Variants in MAML2 observed in about 807,000 individuals in gnomAD.
The protein encoded by MAML2 is mastermind-like protein 2.
Under a neutral mutation model 96.1 loss-of-function variants are expected in MAML2, and 22 were observed. That is an observed-to-expected ratio of 0.23 (90% CI 0.16 to 0.33). MAML2 has a LOEUF of 0.33. Ranked by LOEUF, MAML2 falls within the 10% of genes least tolerant of loss-of-function variation. The probability of loss-of-function intolerance (pLI) is 1.00; values close to 1 mark genes in which losing one functional copy is unlikely to be tolerated. For missense variants in MAML2, 1,367 were observed against 1,392.4 expected (o/e 0.98, Z 0.29); for synonymous variants, 561 against 521.3 (o/e 1.08, Z -1.04).
intron 2 of MAML2, among the ~76,000 whole-genome samples, chr11:96,019,090 G>A (rs1335870370): frequency 6.6e-6 from 1 of 152,160 alleles, no homozygotes; most frequent in African/African-American, 2.4e-5. Flanking sequence ...AGAGGTAGCA[G>A]AAGAAAATGT....
At chr11:96,180,533 A>G (rs930086540) in intron 1 of MAML2, among the ~76,000 whole-genome samples, 5 of 152,316 alleles carry the variant, frequency 3.3e-5, no homozygotes, top group African/African-American at 1.2e-4. Context: ...GCCAACAGCC[A>G]GCAGCAACCA....
Position 95,991,577 on chromosome 11 carries a change from C to T in MAML2, c.2286G>A (p.Arg762=). ...QLMGKKQTLQ[R]QIMEQKQQLL... is the part of the protein sequence containing the mutation. Reference sequence around the variant, plus strand: ...GTTGCTGTTTCTGCTCCATGATCTGCCTCTGTAGAGTCTGCTTCTTTCCCA... The same window carrying T: ...GTTGCTGTTTCTGCTCCATGATCTGTCTCTGTAGAGTCTGCTTCTTTCCCA... The change falls in exon 3 of 5, where the codon AGG becomes AGA. Residue 762 remains arginine, a synonymous_variant. Coordinates refer to ENST00000524717, the MANE Select transcript of MAML2 (RefSeq NM_032427.4). 1 of 1,613,808 alleles carries T rather than the reference C, an allele frequency of 6.2e-7. No individual in the cohort carries two copies. The highest frequency in any genetic ancestry group is 8.5e-7 in the Non-Finnish European group (1 of 1,179,746).
Position 96,300,794 on chromosome 11 carries a change from C to A in MAML2, c.513+40589G>T, listed in dbSNP as rs536569767. The stretch of plus-strand genomic sequence containing the variant: ...TTCGGACAATGAGCAGGAGAGGAAG[C>A]GGAGCTGAGGATAACCAGGTAAAGG... On this transcript the variant is annotated intron_variant, in intron 1 of 4. Coordinates refer to ENST00000524717, the MANE Select transcript of MAML2 (RefSeq NM_032427.4). Among the ~76,000 whole-genome samples, 111 of 152,220 alleles carry A rather than the reference C, an allele frequency of 7.3e-4. 1 individual carries two copies. Among genetic ancestry groups the A allele is most frequent in the Non-Finnish European group, 1.3e-3 (90 of 68,014 alleles).
At chr11:96,178,062 GTTTC>G (rs1211578516) in intron 1 of MAML2, among the ~76,000 whole-genome samples, 1 of 145,730 alleles carries the variant, frequency 6.9e-6, no homozygotes, top group Non-Finnish European at 1.5e-5. Flanking sequence ...TCATATAAGC[GTTTC>G]TTTCTGGGAA....
chr11:96,008,838 C>T (rs977153021), intron 2 of MAML2, among the ~76,000 whole-genome samples: 4 of 152,170 alleles, frequency 2.6e-5, no homozygotes, highest in African/African-American at 9.7e-5. Context: ...GCTTGATTAT[C>T]TCATCCCAGG....
chr11:96,163,059 C>T (rs1475391647), intron 1 of MAML2, among the ~76,000 whole-genome samples: 2 of 152,200 alleles, frequency 1.3e-5, no homozygotes, highest in Non-Finnish European at 2.9e-5. Flanking sequence ...CTTCATTACT[C>T]ACATTACTCC....
chr11:96,211,582 T>A (rs2135938958), intron 1 of MAML2, among the ~76,000 whole-genome samples: 1 of 152,236 alleles, frequency 6.6e-6, no homozygotes, highest in East Asian at 1.9e-4. Context: ...GGGGTAGTTG[T>A]AAGAGAAGGG....
intron 2 of MAML2, among the ~76,000 whole-genome samples, chr11:96,003,747 A>G (rs1858134062): frequency 1.3e-5 from 2 of 152,206 alleles, no homozygotes. Flanking sequence ...TAATATCTAT[A>G]CTTAAGTCAA....
At chr11:96,029,056 T>C (rs1858569653) in intron 2 of MAML2, among the ~76,000 whole-genome samples, 3 of 152,184 alleles carry the variant, frequency 2.0e-5, no homozygotes, top group African/African-American at 7.2e-5. Context: ...CTAAACATTT[T>C]GAACTGAATT....
chr11:96,180,809 G>A (rs1322179699), intron 1 of MAML2, among the ~76,000 whole-genome samples: 3 of 152,272 alleles, frequency 2.0e-5, no homozygotes, highest in Non-Finnish European at 4.4e-5. Context: ...TATTTCACCT[G>A]GGTACAGGCG....
At chr11:96,151,812 G>C (rs1367546624) in intron 1 of MAML2, among the ~76,000 whole-genome samples, 1 of 152,150 alleles carries the variant, frequency 6.6e-6, no homozygotes, top group East Asian at 1.9e-4. Context: ...AACCTCTTTT[G>C]TTTATAAATT....
chr11:96,155,509 A>AATATATATATATATATATAT lies in MAML2; in HGVS notation c.514-62012_514-61993dup, dbSNP rs56860340. Among the ~76,000 whole-genome samples the AATATATATATATATATATAT allele has an allele frequency of 3.2e-3, 236 of 74,704 alleles. 16 individuals are homozygous for AATATATATATATATATATAT. Among genetic ancestry groups the AATATATATATATATATATAT allele is most frequent in the African/African-American group, 3.8e-3 (62 of 16,514 alleles). The allele number at this position is 74,704 out of a possible 152,430, so 49.0% of individuals were successfully genotyped here. ...ACCTCATGGGCGCTGTAACAATTCA[A>AATATATATATATATATATAT]ATATATATATATATATATATATATA... On this transcript the variant is annotated intron_variant, in intron 1 of 4. Transcript: ENST00000524717.
chr11:96,175,420 A>T (rs1046020686), intron 1 of MAML2, among the ~76,000 whole-genome samples: 1 of 152,174 alleles, frequency 6.6e-6, no homozygotes, highest in Non-Finnish European at 1.5e-5. Context: ...GGCTGCAAAA[A>T]CCCATAGAGG....
chr11:96,046,962 T>G (rs1858911783), intron 2 of MAML2, among the ~76,000 whole-genome samples: 1 of 152,218 alleles, frequency 6.6e-6, no homozygotes, highest in South Asian at 2.1e-4. Flanking sequence ...GAATTGACTC[T>G]TGAGTAAGAG....
chr11:95,989,218 A>C (rs910787434), intron 3 of MAML2, among the ~76,000 whole-genome samples: 15 of 152,256 alleles, frequency 9.9e-5, no homozygotes, highest in African/African-American at 2.7e-4. Flanking sequence ...GCAAATGACC[A>C]CAAAGCATAT....
At chr11:96,068,356 T>C (rs1447475099) in intron 2 of MAML2, among the ~76,000 whole-genome samples, 3 of 151,768 alleles carry the variant, frequency 2.0e-5, no homozygotes, top group African/African-American at 7.3e-5. Flanking sequence ...TCTATGAACC[T>C]ATGAACTTCA....
intron 1 of MAML2, among the ~76,000 whole-genome samples, chr11:96,252,996 G>T (rs566607): frequency 0.66 from 99,948 of 152,078 alleles, 34,081 homozygotes; most frequent in East Asian, 0.85. Flanking sequence ...CTATAATATC[G>T]TGTCTCTTTA....
rs1314609974 is a variant in MAML2, at chr11:96,252,465, C to G, written c.513+88918G>C. Among the ~76,000 whole-genome samples, 2 of 133,240 alleles carry G rather than the reference C, an allele frequency of 1.5e-5. 1 individual carries two copies. Among genetic ancestry groups the G allele is most frequent in the South Asian group, 5.0e-4 (2 of 3,996 alleles). The allele number at this position is 133,240 out of a possible 152,430, so 87.4% of individuals were successfully genotyped here. On this transcript the variant is annotated intron_variant, in intron 1 of 4. Coordinates refer to ENST00000524717, the MANE Select transcript of MAML2 (RefSeq NM_032427.4). ...TTTTTGACCTGGAGTCTCGCTCTGT[C>G]ACGAGGCTGGAGTGCAGTGGAGCGA... is the stretch of plus-strand genomic sequence containing the variant.
chr11:96,302,202 T>C lies in MAML2; in HGVS notation c.513+39181A>G, dbSNP rs113535850. On this transcript the variant is annotated intron_variant, in intron 1 of 4. Transcript: ENST00000524717. ...GCCATCACATAATCAGTGTTGTCTGTGGCAGTAATATAAAGAAGAATGTTT... is the reference window on the plus strand; with the variant it reads ...GCCATCACATAATCAGTGTTGTCTGCGGCAGTAATATAAAGAAGAATGTTT... Among the ~76,000 whole-genome samples the C allele has an allele frequency of 1.6e-3, 250 of 152,344 alleles. 1 individual carries two copies. The highest frequency in any genetic ancestry group is 6.8e-3 in the Middle Eastern group (2 of 294).
Sources: gnomAD v4.1 joint callset for allele counts (sites outside exome capture counted in the v4.1 genomes callset) on GRCh38, gnomAD v4.1.1 for gene constraint, MANE v1.5 for transcripts, NCBI Gene and HGNC (gene_info 2026-07-23, HGNC 2026-07-21) for gene names.